VAT1L: variants seen among roughly 807,000 people sequenced by gnomAD.
VAT1L encodes the protein putative NADPH-dependent quinone oxidoreductase VAT1L.
Under a neutral mutation model 44.1 loss-of-function variants are expected in VAT1L, and 34 were observed. That is an observed-to-expected ratio of 0.77 (90% CI 0.59 to 1.03). The LOEUF (loss-of-function observed/expected upper bound fraction) is 1.03. Among genes scored for constraint, VAT1L ranks in the 50% least tolerant of loss-of-function variants. VAT1L has a pLI of 0.00. For synonymous variants in VAT1L, 253 were observed against 202.2 expected, an observed-to-expected ratio of 1.25 and a Z score of -2.13; for missense variants, 615 against 538.8, an observed-to-expected ratio of 1.14 and a Z score of -1.40.
At chr16:77,939,982 T>C (rs1044849509) in intron 7 of VAT1L, among the ~76,000 whole-genome samples, 2 of 152,158 alleles carry the variant, frequency 1.3e-5, no homozygotes, top group Non-Finnish European at 1.5e-5. Context: ...GTAATAGAAA[T>C]GAGATCATCA....
chr16:77,859,143 A>C (rs1222030110), intron 3 of VAT1L, among the ~76,000 whole-genome samples: 2 of 151,884 alleles, frequency 1.3e-5, no homozygotes, highest in Admixed American at 6.6e-5. Context: ...CTCAAAAAAA[A>C]AAAAAAACTA....
chr16:77,811,443 T>C (rs2016264008), intron 1 of VAT1L, among the ~76,000 whole-genome samples: 1 of 152,140 alleles, frequency 6.6e-6, no homozygotes, highest in Admixed American at 6.5e-5. Context: ...ACGATAAGCT[T>C]TGGGGACAAG....
At chr16:77,876,618 T>C in intron 5 of VAT1L, 145 bp downstream of exon 5, 1 of 673,354 alleles carries the variant, frequency 1.5e-6, no homozygotes, top group Non-Finnish European at 2.6e-6. Flanking sequence ...CTATAATGTT[T>C]CTATTACTGT....
chr16:77,929,719 C>T (rs1218755824), intron 7 of VAT1L, among the ~76,000 whole-genome samples: 2 of 152,188 alleles, frequency 1.3e-5, no homozygotes, highest in Non-Finnish European at 2.9e-5. Context: ...CACAAGGTGA[C>T]ATGAGGTAGG....
chr16:77,961,364 T>G (rs549523315), intron 7 of VAT1L, among the ~76,000 whole-genome samples: 24 of 152,088 alleles, frequency 1.6e-4, no homozygotes, highest in Non-Finnish European at 2.8e-4. Context: ...TTCCAGTCTT[T>G]CTCCTTCCTC....
chr16:77,788,651 C>G lies in VAT1L; in HGVS notation c.-32C>G. On this transcript the variant is annotated 5_prime_UTR_variant, in exon 1 of 9. Transcript: ENST00000302536. ...CCAGCGCCGCAGCCACCGCAGCCAC[C>G]GCAGCCCGTGCGCCCCGCGCCCTCG... is the stretch of plus-strand genomic sequence containing the variant. 2 of 1,545,564 alleles carry G rather than the reference C, an allele frequency of 1.3e-6. No individual in the cohort carries two copies. Among genetic ancestry groups the G allele is most frequent in the Non-Finnish European group, 1.7e-6 (2 of 1,145,072 alleles).
chr16:77,935,940 CT>C (rs1463854745), intron 7 of VAT1L, among the ~76,000 whole-genome samples: 1 of 152,104 alleles, frequency 6.6e-6, no homozygotes, highest in East Asian at 1.9e-4. Context: ...TGGTAGATGC[CT>C]AATAAATACT....
intron 7 of VAT1L, among the ~76,000 whole-genome samples, chr16:77,908,280 T>C (rs554837076): frequency 2.0e-5 from 3 of 148,776 alleles, no homozygotes; most frequent in African/African-American, 7.4e-5. Context: ...ACTGACATGG[T>C]GAAATTCCGT....
rs183753924 is a variant in VAT1L at position 77,837,014 on chromosome 16, T to C, written c.579+11553T>C. 4.7e-4 allele frequency among the ~76,000 whole-genome samples: 71 copies of C among 152,032 alleles called. No homozygotes were observed. In the South Asian group the frequency reaches 7.1e-3, roughly 15 times the overall value. ...AGACACAGAGAGGTTAAGTAACTTA[T>C]TCCAGGTCACACAGCTTATAGAGAG... On this transcript the variant is annotated intron_variant, in intron 3 of 8. Coordinates refer to ENST00000302536, the MANE Select transcript of VAT1L (RefSeq NM_020927.3).
At chr16:77,972,102 G>A (rs992366173) in intron 8 of VAT1L, among the ~76,000 whole-genome samples, 169 bp downstream of exon 8, 2 of 152,124 alleles carry the variant, frequency 1.3e-5, no homozygotes, top group Admixed American at 1.3e-4. Flanking sequence ...GACAAACTGA[G>A]ATGAATGCTG....
intron 7 of VAT1L, among the ~76,000 whole-genome samples, chr16:77,940,301 T>C (rs981672623): frequency 6.6e-6 from 1 of 151,542 alleles, no homozygotes; most frequent in Non-Finnish European, 1.5e-5. Flanking sequence ...CTATTGATTC[T>C]CATGAGCTTA....
intron 7 of VAT1L, among the ~76,000 whole-genome samples, chr16:77,922,605 G>A (rs2142495174): frequency 6.6e-6 from 1 of 152,180 alleles, no homozygotes; most frequent in East Asian, 1.9e-4. Context: ...TTATGCAGTG[G>A]AGAAGTAGGG....
chr16:77,804,385 T>G (rs576144792), intron 1 of VAT1L, among the ~76,000 whole-genome samples: 1 of 152,322 alleles, frequency 6.6e-6, no homozygotes, highest in Non-Finnish European at 1.5e-5. Flanking sequence ...CGGACCTGGC[T>G]TTTCTGTTTC....
intron 3 of VAT1L, among the ~76,000 whole-genome samples, chr16:77,847,376 G>C (rs190681460): frequency 6.6e-6 from 1 of 152,154 alleles, no homozygotes. Flanking sequence ...CGGTCTTCCC[G>C]TGCTTCTGAC....
At chr16:77,832,628 G>A (rs938615057) in intron 3 of VAT1L, among the ~76,000 whole-genome samples, 1 of 152,222 alleles carries the variant, frequency 6.6e-6, no homozygotes. Flanking sequence ...CCTTGGAAAG[G>A]AAAGCAGAGC....
At chr16:77,896,552 C>T (rs767443009) in intron 7 of VAT1L, among the ~76,000 whole-genome samples, 1 of 152,156 alleles carries the variant, frequency 6.6e-6, no homozygotes, top group African/African-American at 2.4e-5. Context: ...AAATGCATTT[C>T]CCCCAGAGAG....
chr16:77,788,765 G>T lies in VAT1L; in HGVS notation c.83G>T (p.Gly28Val), dbSNP rs1304323877. 1.3e-6 allele frequency: 2 copies of T among 1,562,824 alleles called. No individual in the cohort carries two copies. The highest frequency in any genetic ancestry group is 1.7e-6 in the Non-Finnish European group (2 of 1,153,662). The change falls in exon 1 of 9, where the codon GGC becomes GTC. Residue 28 changes from glycine to valine, a missense_variant. Gly to Val is a moderately radical substitution (Grantham distance 109). Coordinates refer to ENST00000302536, the MANE Select transcript of VAT1L (RefSeq NM_020927.3). ...KEAGKEPAEGGGGDGSHRLGD... is the reference protein window; with the variant it reads ...KEAGKEPAEGVGGDGSHRLGD... ...GCAGGCAAGGAGCCGGCGGAGGGCG[G>T]CGGCGGCGACGGCTCGCACCGCCTC...
At chr16:77,873,883 A>G (rs1030531411) in intron 4 of VAT1L, among the ~76,000 whole-genome samples, 2 of 152,172 alleles carry the variant, frequency 1.3e-5, no homozygotes, top group African/African-American at 4.8e-5. Flanking sequence ...GGGACAATCA[A>G]AAGGCCAAAT....
intron 7 of VAT1L, among the ~76,000 whole-genome samples, chr16:77,946,988 CT>C (rs2017976466): frequency 6.6e-6 from 1 of 152,200 alleles, no homozygotes; most frequent in African/African-American, 2.4e-5. Context: ...TCTGTTGAGC[CT>C]GTTTTTATCT....
Sources: gnomAD v4.1 joint callset for allele counts (sites outside exome capture counted in the v4.1 genomes callset) on GRCh38, gnomAD v4.1.1 for gene constraint, MANE v1.5 for transcripts, NCBI Gene and HGNC (gene_info 2026-07-23, HGNC 2026-07-21) for gene names.